Variants in KIAA1958 observed in about 807,000 individuals in gnomAD.
KIAA1958 encodes the protein uncharacterized protein KIAA1958.
A neutral mutation model predicts 47.2 loss-of-function variants in KIAA1958; 14 were observed. The ratio of observed to expected loss-of-function variants is 0.30; its 90% confidence interval spans 0.20 to 0.46. The LOEUF is 0.46. Ranked by LOEUF, KIAA1958 falls within the 20% of genes least tolerant of loss-of-function variation. The pLI is 1.00. For synonymous variants in KIAA1958, 354 were observed against 353.3 expected, an observed-to-expected ratio of 1.00 and a Z score of -0.02; for missense variants, 803 against 909.2, an observed-to-expected ratio of 0.88 and a Z score of 1.50.
chr9:112,607,749 C>A (rs368544071), intron 2 of KIAA1958, among the ~76,000 whole-genome samples: 369 of 118,660 alleles, frequency 3.1e-3, no homozygotes, highest in South Asian at 4.2e-3. Context: ...ATATCCAAGA[C>A]AAAAAAAAAA....
intron 1 of KIAA1958, among the ~76,000 whole-genome samples, chr9:112,496,755 G>C (rs1834057765): frequency 6.6e-6 from 1 of 152,056 alleles, no homozygotes; most frequent in South Asian, 2.1e-4. Context: ...TCCCCCAGAA[G>C]CTCAGAAACT....
intron 2 of KIAA1958, among the ~76,000 whole-genome samples, chr9:112,600,848 G>A (rs1373980444): frequency 6.6e-6 from 1 of 152,180 alleles, no homozygotes; most frequent in African/African-American, 2.4e-5. Flanking sequence ...TGAACTAGAT[G>A]ACTTATATGT....
intron 1 of KIAA1958, among the ~76,000 whole-genome samples, chr9:112,565,459 A>G (rs1001070535): frequency 2.0e-5 from 3 of 152,204 alleles, no homozygotes; most frequent in East Asian, 1.9e-4. Context: ...GTCTTATCCA[A>G]TCATTGCCCA....
intron 1 of KIAA1958, among the ~76,000 whole-genome samples, chr9:112,535,794 A>G (rs1447173991): frequency 6.6e-6 from 1 of 151,664 alleles, no homozygotes; most frequent in Non-Finnish European, 1.5e-5. Context: ...ATGAGATATT[A>G]TCTCCTAGTG....
At chr9:112,488,119 A>G (rs900514627) in intron 1 of KIAA1958, among the ~76,000 whole-genome samples, 1 of 152,194 alleles carries the variant, frequency 6.6e-6, no homozygotes, top group Non-Finnish European at 1.5e-5. Context: ...AGTGCAATAA[A>G]CAATGATCTA....
chr9:112,598,122 A>G (rs1178157355), intron 2 of KIAA1958, among the ~76,000 whole-genome samples: 1 of 152,024 alleles, frequency 6.6e-6, no homozygotes, highest in Non-Finnish European at 1.5e-5. Flanking sequence ...ATTTTTTTTT[A>G]AGGAAGTGAC....
At chr9:112,636,459 A>C (rs984764137) in intron 2 of KIAA1958, among the ~76,000 whole-genome samples, 4 of 151,962 alleles carry the variant, frequency 2.6e-5, no homozygotes, top group Admixed American at 2.0e-4. Flanking sequence ...CTGTTTTGTC[A>C]GTTGTGGGAA....
At chr9:112,506,273 G>A (rs1326011948) in intron 1 of KIAA1958, among the ~76,000 whole-genome samples, 5 of 152,034 alleles carry the variant, frequency 3.3e-5, no homozygotes, top group Non-Finnish European at 5.9e-5. Context: ...TGGCTAACAC[G>A]GTGAAACCCC....
At position 112,574,812 on chromosome 9, in the gene KIAA1958, C is replaced by T. The variant is rs778105899; in HGVS notation, c.732C>T (p.Pro244=). 9.3e-6 allele frequency: 15 copies of T among 1,614,048 alleles called. No individual in the cohort carries two copies. The African/African-American group carries it at 1.7e-4, about 19-fold the overall frequency. The change falls in exon 2 of 4, where the codon CCC becomes CCT. Residue 244 remains proline, a synonymous_variant. Transcript: ENST00000337530. The part of the protein sequence containing the change: ...AKPKPQTHAG[P]SCVGSAKLIP... ...CCAAGCCTCAGACTCACGCTGGTCC[C>T]TCCTGTGTAGGGTCTGCTAAACTGA...
At chr9:112,487,946 CGTGTGTGTGTGTGTGTGTGTGTGT>C (rs57108785) in intron 1 of KIAA1958, among the ~76,000 whole-genome samples, 1 of 145,734 alleles carries the variant, frequency 6.9e-6, no homozygotes, top group African/African-American at 2.6e-5. Context: ...AGTGTGTGTG[CGTGTGTGTGTGTGTGTGTGTGTGT>C]GTGTTTTGAA....
chr9:112,527,571 T>C (rs1588002906), intron 1 of KIAA1958, among the ~76,000 whole-genome samples: 1 of 152,172 alleles, frequency 6.6e-6, no homozygotes, highest in South Asian at 2.1e-4. Context: ...AGGATGATTA[T>C]GTTTCAAAAC....
intron 2 of KIAA1958, among the ~76,000 whole-genome samples, chr9:112,625,310 CCTGA>C (rs376099245): frequency 1.2e-4 from 19 of 152,164 alleles, no homozygotes; most frequent in African/African-American, 3.6e-4. Context: ...TACCATCCTG[CCTGA>C]CTAATTTTTA....
intron 1 of KIAA1958, among the ~76,000 whole-genome samples, chr9:112,531,524 T>C (rs1834751964): frequency 6.6e-6 from 1 of 152,224 alleles, no homozygotes; most frequent in African/African-American, 2.4e-5. Flanking sequence ...TTCTGTTATT[T>C]TCCAATTATA....
At chr9:112,525,931 T>C (rs1006202915) in intron 1 of KIAA1958, among the ~76,000 whole-genome samples, 14 of 4,102 alleles carry the variant, frequency 3.4e-3, no homozygotes, top group Non-Finnish European at 4.4e-3. Flanking sequence ...CTTCTTCTTC[T>C]TCTTCTTCTT....
At chr9:112,505,195 C>T (rs936331772) in intron 1 of KIAA1958, among the ~76,000 whole-genome samples, 1 of 152,114 alleles carries the variant, frequency 6.6e-6, no homozygotes, top group Non-Finnish European at 1.5e-5. Flanking sequence ...CCAGTTTCAT[C>T]CATGTTACTG....
At chr9:112,519,085 A>G (rs546172865) in intron 1 of KIAA1958, among the ~76,000 whole-genome samples, 1 of 152,152 alleles carries the variant, frequency 6.6e-6, no homozygotes, top group South Asian at 2.1e-4. Flanking sequence ...AGGCACCACC[A>G]TGCCTAGCTA....
intron 3 of KIAA1958, among the ~76,000 whole-genome samples, chr9:112,650,751 T>C (rs552830658): frequency 6.6e-6 from 1 of 152,314 alleles, no homozygotes; most frequent in East Asian, 1.9e-4. Flanking sequence ...ACTGTCGGAC[T>C]GGATTTTTTA....
intron 1 of KIAA1958, among the ~76,000 whole-genome samples, chr9:112,536,949 G>C (rs1022467240): frequency 6.6e-6 from 1 of 151,904 alleles, no homozygotes; most frequent in Non-Finnish European, 1.5e-5. Flanking sequence ...AACAAGAAAT[G>C]GTCATCATCA....
At chr9:112,578,069 A>G (rs568217096) in intron 2 of KIAA1958, among the ~76,000 whole-genome samples, 16 of 152,280 alleles carry the variant, frequency 1.1e-4, no homozygotes, top group African/African-American at 3.6e-4. Flanking sequence ...CATATTGCTA[A>G]GATGTCATTA....
Sources: allele counts gnomAD v4.1 joint callset (sites outside exome capture counted in the v4.1 genomes callset), GRCh38; gene constraint gnomAD v4.1.1; transcripts MANE v1.5; gene names NCBI Gene and HGNC (gene_info 2026-07-23, HGNC 2026-07-21).